Variants in CUX1 observed in about 807,000 individuals in gnomAD.
The protein encoded by CUX1 is protein CASP.
A neutral mutation model predicts 158.8 loss-of-function variants in CUX1; 31 were observed. The ratio of observed to expected loss-of-function variants is 0.20; its 90% confidence interval spans 0.15 to 0.26. CUX1 has a LOEUF of 0.26. CUX1 is among the 10% of genes least tolerant of loss of function. CUX1 has a pLI of 1.00. For missense variants in CUX1, 1,589 were observed against 2,014.6 expected (o/e 0.79, Z 4.04); for synonymous variants, 879 against 862.1 (o/e 1.02, Z -0.34).
At chr7:102,262,552 C>A (rs1790481357), downstream of CUX1, among the ~76,000 whole-genome samples, 1 of 152,244 alleles carries the variant, frequency 6.6e-6, no homozygotes, top group Admixed American at 6.5e-5. Flanking sequence ...GCAGTGGAAG[C>A]AGCAGAGGAC....
intron 14 of CUX1, chr7:102,264,638 G>T (rs1790668829): frequency 6.6e-6 from 1 of 152,454 alleles, no homozygotes; most frequent in South Asian, 2.1e-4. Flanking sequence ...ATTGGTAGGA[G>T]TGAGTAAGGA....
chr7:102,059,976 T>C (rs1181809571), intron 3 of CUX1, among the ~76,000 whole-genome samples: 2 of 151,956 alleles, frequency 1.3e-5, no homozygotes, highest in Non-Finnish European at 2.9e-5. Flanking sequence ...TTCACTGTGG[T>C]CTTAAATGTT....
Position 101,916,136 on chromosome 7 carries a change from A to T in CUX1, c.52A>T (p.Thr18Ser), listed in dbSNP as rs1376583186. 1.9e-6 allele frequency: 3 copies of T among 1,613,702 alleles called. No individual in the cohort carries two copies. The highest frequency in any genetic ancestry group is 2.2e-5 in the South Asian group (2 of 91,058). The change falls in exon 2 of 24, where the codon ACG (threonine) becomes TCG (serine). Residue 18 changes from threonine to serine, a missense_variant. Thr to Ser is a moderately conservative substitution (Grantham distance 58, BLOSUM62 1). Around this residue, in one of 8 missense-constraint regions of CUX1, gnomAD observed 63 missense variants for 109.2 expected, o/e 0.58. Transcript: ENST00000292535. The surrounding 1 kb of genome is among the most constrained non-coding windows in gnomAD (Gnocchi z 4.4). ...RLKRELDATATVLANRQDESE... is the reference protein window; with the variant it reads ...RLKRELDATASVLANRQDESE... Reference sequence around the variant, plus strand: ...ACAGAGAGAACTCGATGCCACCGCAACGGTATTGGCGAACCGGCAGGATGA... The same window carrying T: ...ACAGAGAGAACTCGATGCCACCGCATCGGTATTGGCGAACCGGCAGGATGA...
At chr7:102,114,939 AAGGG>A (rs539543204) in intron 7 of CUX1, among the ~76,000 whole-genome samples, 3 of 146,066 alleles carry the variant, frequency 2.1e-5, no homozygotes, top group East Asian at 2.2e-4. Context: ...AGAAGAAAGG[AAGGG>A]AGGGAGGGAG....
At chr7:101,920,039 C>T (rs990776601) in intron 2 of CUX1, among the ~76,000 whole-genome samples, 4 of 152,140 alleles carry the variant, frequency 2.6e-5, no homozygotes, top group African/African-American at 4.8e-5. Flanking sequence ...GTGATCCCTC[C>T]GTCTCAGTGT....
At chr7:101,931,968 ATTCATAGGTGAAT>A (rs371438507) in intron 2 of CUX1, among the ~76,000 whole-genome samples, 7 of 152,244 alleles carry the variant, frequency 4.6e-5, no homozygotes, top group African/African-American at 1.4e-4. Context: ...TTTAGATTTC[ATTCATAGGTGAAT>A]TTCATTCTCT....
At chr7:102,160,397 A>G (rs1433402485) in intron 9 of CUX1, among the ~76,000 whole-genome samples, 3 of 151,980 alleles carry the variant, frequency 2.0e-5, no homozygotes, top group African/African-American at 7.3e-5. Flanking sequence ...TCTATCCAGA[A>G]CAGGTTCTCT....
chr7:101,862,762 G>A (rs1363608214), intron 1 of CUX1, among the ~76,000 whole-genome samples: 4 of 151,052 alleles, frequency 2.6e-5, no homozygotes, highest in East Asian at 3.9e-4. Flanking sequence ...GTAAGTCCCC[G>A]GTGTGTGTGT....
At chr7:101,951,330 CAA>C (rs200121541) in intron 2 of CUX1, among the ~76,000 whole-genome samples, 1 of 133,126 alleles carries the variant, frequency 7.5e-6, no homozygotes. Context: ...GACACTGTCT[CAA>C]AAAAAAAAAA....
chr7:102,217,691 G>A (rs1036874669), intron 20 of CUX1, among the ~76,000 whole-genome samples: 1 of 149,924 alleles, frequency 6.7e-6, no homozygotes, highest in African/African-American at 2.5e-5. Context: ...GGATGGACAC[G>A]ATGGTGTCTA....
At chr7:102,273,531 C>T in intron 15 of CUX1, 1 of 1,579,116 alleles carries the variant, frequency 6.3e-7, no homozygotes, top group Non-Finnish European at 8.6e-7. Flanking sequence ...ATCTCGATAC[C>T]TGCCCAACTG....
intron 1 of CUX1, among the ~76,000 whole-genome samples, chr7:101,881,577 A>C (rs1799709492): frequency 6.6e-6 from 1 of 152,228 alleles, no homozygotes; most frequent in Non-Finnish European, 1.5e-5. Flanking sequence ...TTCCCGTCCA[A>C]TATGAATGCC....
At chr7:102,132,912 T>C (rs1338011601) in intron 8 of CUX1, among the ~76,000 whole-genome samples, 1 of 151,770 alleles carries the variant, frequency 6.6e-6, no homozygotes, top group Non-Finnish European at 1.5e-5. Flanking sequence ...CTCAAGTGAT[T>C]CACCTGCCTC....
At chr7:101,983,234 C>T (rs918160905) in intron 2 of CUX1, among the ~76,000 whole-genome samples, 3 of 152,186 alleles carry the variant, frequency 2.0e-5, no homozygotes, top group African/African-American at 7.2e-5. Context: ...TTCTTTAATG[C>T]TGTTATATTT....
chr7:102,058,604 G>C (rs1029907052), intron 3 of CUX1, among the ~76,000 whole-genome samples: 1 of 152,110 alleles, frequency 6.6e-6, no homozygotes, highest in Admixed American at 6.6e-5. Context: ...TCTTATGGTG[G>C]TCTGGAACCA....
intron 14 of CUX1, among the ~76,000 whole-genome samples, chr7:102,265,162 C>T (rs1471052664): frequency 6.6e-6 from 1 of 152,044 alleles, no homozygotes; most frequent in Admixed American, 6.6e-5. Flanking sequence ...TCAAGACCAG[C>T]CTGGCCAACA....
At chr7:101,939,070 T>C (rs1585038290) in intron 2 of CUX1, among the ~76,000 whole-genome samples, 5 of 3,592 alleles carry the variant, frequency 1.4e-3, no homozygotes, top group African/African-American at 3.3e-3. Context: ...TATATATATA[T>C]ATATATATAT....
intron 2 of CUX1, among the ~76,000 whole-genome samples, chr7:101,966,865 T>A: frequency 6.6e-6 from 1 of 152,188 alleles, no homozygotes; most frequent in South Asian, 2.1e-4. Flanking sequence ...AGCTCTCAAG[T>A]GGTCTGGATA....
chr7:102,146,898 C>CT (rs1413108023), intron 8 of CUX1, among the ~76,000 whole-genome samples: 9 of 152,126 alleles, frequency 5.9e-5, no homozygotes, highest in Admixed American at 4.6e-4. Context: ...TGCGCCTGGC[C>CT]TAAACTTGTT....
Sources: gnomAD v4.1 joint callset for allele counts (sites outside exome capture counted in the v4.1 genomes callset) on GRCh38, gnomAD v4.1.1 for gene constraint, gnomAD v4.1.1 regional missense constraint, Gnocchi (gnomAD v3.1) non-coding constraint, MANE v1.5 for transcripts, NCBI Gene and HGNC (gene_info 2026-07-23, HGNC 2026-07-21) for gene names.